The following CPNE5 variants were observed in gnomAD, a reference collection of about 807,000 sequenced individuals.
CPNE5 encodes copine-5.
In CPNE5, 42 loss-of-function variants were observed where a neutral mutation model predicts 81.1. That is an observed-to-expected ratio of 0.52 (90% CI 0.40 to 0.67). The LOEUF (loss-of-function observed/expected upper bound fraction) is 0.67, where lower values mean the gene tolerates loss of function less well. Among genes scored for constraint, CPNE5 ranks in the 30% least tolerant of loss-of-function variants. CPNE5 has a pLI of 0.00. For missense variants in CPNE5, 612 were observed against 815.5 expected, an observed-to-expected ratio of 0.75 and a Z score of 3.04; for synonymous variants, 313 against 321.5, an observed-to-expected ratio of 0.97 and a Z score of 0.28.
chr6:36,787,322 T>C (rs1238036987), intron 8 of CPNE5, among the ~76,000 whole-genome samples: 1 of 152,084 alleles, frequency 6.6e-6, no homozygotes, highest in Admixed American at 6.5e-5. Flanking sequence ...TCCCACACAA[T>C]CTGGCCCCAA....
At chr6:36,770,114 C>T (rs184604163) in intron 10 of CPNE5, among the ~76,000 whole-genome samples, 12 of 152,290 alleles carry the variant, frequency 7.9e-5, no homozygotes, top group African/African-American at 2.6e-4. Context: ...TTTACCCCAC[C>T]GGAAGGCTGG....
Position 36,745,424 on chromosome 6 carries a change from G to T in CPNE5, c.1292C>A (p.Pro431His). ...RSLRTVQLYG[P>H]TNFAPVVTHV... ...GGTGACCACGGGGGCAAAGTTGGTG[G>T]GGCCGTACAGCTGCACAGTGCGCAG... Residue 431 changes from proline to histidine, a missense_variant, in exon 17 of 21, where the codon CCC becomes CAC. Pro to His is a moderately conservative substitution (Grantham distance 77). Coordinates refer to ENST00000244751, the MANE Select transcript of CPNE5 (RefSeq NM_020939.2). 6.2e-7 allele frequency: 1 copy of T among 1,607,354 alleles called. No homozygotes were observed.
At chr6:36,798,012 G>C (rs940778789) in intron 6 of CPNE5, among the ~76,000 whole-genome samples, 153 bp downstream of exon 6, 7 of 152,140 alleles carry the variant, frequency 4.6e-5, no homozygotes, top group Non-Finnish European at 1.0e-4. Context: ...TAGAAGCCCT[G>C]TGAGAGCAGT....
At chr6:36,785,086 T>C (rs1270041618) in intron 8 of CPNE5, among the ~76,000 whole-genome samples, 1 of 152,218 alleles carries the variant, frequency 6.6e-6, no homozygotes, top group African/African-American at 2.4e-5. Context: ...AAAAAACATA[T>C]TAAGTTCTTC....
chr6:36,744,244 G>A (rs1763867226), intron 19 of CPNE5, 24 bp downstream of exon 19: 11 of 1,563,442 alleles, frequency 7.0e-6, no homozygotes, highest in Admixed American at 5.8e-5. Flanking sequence ...AAGGAAAGGA[G>A]GGGAAGGCAG....
At chr6:36,743,642 G>C in intron 20 of CPNE5, 47 bp downstream of exon 20, 1 of 1,571,580 alleles carries the variant, frequency 6.4e-7, no homozygotes, top group Non-Finnish European at 8.8e-7. Context: ...CGCCTGGCTA[G>C]AGGGGCTCTT....
At chr6:36,784,587 G>T (rs1366975424) in intron 8 of CPNE5, among the ~76,000 whole-genome samples, 2 of 152,204 alleles carry the variant, frequency 1.3e-5, no homozygotes, top group Non-Finnish European at 2.9e-5. Flanking sequence ...CTGGCTGAGG[G>T]TCAGAGGTTC....
intron 1 of CPNE5, among the ~76,000 whole-genome samples, chr6:36,834,651 A>T (rs1323990587): frequency 6.7e-6 from 1 of 149,548 alleles, no homozygotes; most frequent in Non-Finnish European, 1.5e-5. Context: ...ACGAGACTCC[A>T]TCTCAAAAAA....
At chr6:36,798,327 C>G in intron 5 of CPNE5, 86 bp from the exon 6 acceptor site, 1 of 1,501,584 alleles carries the variant, frequency 6.7e-7, no homozygotes, top group Non-Finnish European at 9.2e-7. Flanking sequence ...TTCCTGGAAG[C>G]GTGAGGGCCC....
At chr6:36,838,489 G>A (rs376806121) in intron 1 of CPNE5, among the ~76,000 whole-genome samples, 36 of 152,300 alleles carry the variant, frequency 2.4e-4, no homozygotes, top group African/African-American at 7.0e-4. Flanking sequence ...ACCTGGGGTC[G>A]ACCCAGCTCT....
chr6:36,767,923 T>C (rs1766702843), intron 10 of CPNE5, among the ~76,000 whole-genome samples: 1 of 152,240 alleles, frequency 6.6e-6, no homozygotes, highest in Non-Finnish European at 1.5e-5. Context: ...GACACCAATG[T>C]CTTACCCGAG....
At chr6:36,814,387 G>A (rs986653815) in intron 3 of CPNE5, among the ~76,000 whole-genome samples, 1 of 152,090 alleles carries the variant, frequency 6.6e-6, no homozygotes, top group African/African-American at 2.4e-5. Flanking sequence ...TCCAACAAAC[G>A]ACACATGATG....
chr6:36,745,841 G>C (rs1764096299), intron 16 of CPNE5, among the ~76,000 whole-genome samples: 1 of 152,184 alleles, frequency 6.6e-6, no homozygotes, highest in Non-Finnish European at 1.5e-5. Flanking sequence ...AACTCAGGAA[G>C]GACCTGTGGC....
At chr6:36,749,889 C>T (rs1389072497) in intron 14 of CPNE5, among the ~76,000 whole-genome samples, 2 of 152,178 alleles carry the variant, frequency 1.3e-5, no homozygotes, top group Non-Finnish European at 2.9e-5. Flanking sequence ...GAGGGCTTGG[C>T]CATTCTAGGT....
At chr6:36,831,116 G>T (rs765182630) in intron 1 of CPNE5, among the ~76,000 whole-genome samples, 1 of 151,524 alleles carries the variant, frequency 6.6e-6, no homozygotes, top group Non-Finnish European at 1.5e-5. Flanking sequence ...GTGCAGTGGT[G>T]CAATCTCAGC....
At chr6:36,827,056 G>A (rs1052819807) in intron 1 of CPNE5, among the ~76,000 whole-genome samples, 4 of 152,126 alleles carry the variant, frequency 2.6e-5, no homozygotes, top group Admixed American at 6.5e-5. Context: ...GGTGACAAGC[G>A]CAGCACAAGC....
intron 3 of CPNE5, among the ~76,000 whole-genome samples, chr6:36,807,222 A>T (rs1770675217): frequency 6.6e-6 from 1 of 152,246 alleles, no homozygotes; most frequent in Non-Finnish European, 1.5e-5. Context: ...CACATAAAGC[A>T]GTAAAGTGAA....
At chr6:36,784,068 CA>C (rs1209185422) in intron 8 of CPNE5, among the ~76,000 whole-genome samples, 1 of 151,948 alleles carries the variant, frequency 6.6e-6, no homozygotes, top group Non-Finnish European at 1.5e-5. Context: ...AAATTAAAAA[CA>C]AAAAAAGGAT....
intron 14 of CPNE5, among the ~76,000 whole-genome samples, chr6:36,748,772 A>G (rs1352697260): frequency 1.3e-5 from 2 of 152,186 alleles, no homozygotes; most frequent in African/African-American, 4.8e-5. Context: ...AGAGCTGTCT[A>G]GTTAGTTACA....
Sources: allele counts gnomAD v4.1 joint callset (sites outside exome capture counted in the v4.1 genomes callset), GRCh38; gene constraint gnomAD v4.1.1; transcripts MANE v1.5; gene names NCBI Gene and HGNC (gene_info 2026-07-23, HGNC 2026-07-21).